Variants in CEP85L observed in about 807,000 individuals in gnomAD.
The protein encoded by CEP85L is centrosomal protein of 85 kDa-like.
A neutral mutation model predicts 100.3 loss-of-function variants in CEP85L; 60 were observed. The ratio of observed to expected loss-of-function variants is 0.60; its 90% CI spans 0.49 to 0.74. The LOEUF is 0.74. Among genes scored for constraint, CEP85L ranks in the 30% least tolerant of loss-of-function variants. CEP85L has a pLI of 0.00. For synonymous variants in CEP85L, 319 were observed against 322.7 expected (o/e 0.99, Z 0.12); for missense variants, 973 against 936.2 (o/e 1.04, Z -0.51).
In CEP85L at chr6:118,518,787, C is replaced by T. The variant is rs141917418; in HGVS notation, c.1139+5015G>A. ...TCTTCTGCTAGCTTTTGAATTTGTT[C>T]GCTCTTGCCTCTCTAGTTCTTTTAG... On this transcript the variant is annotated intron_variant, in intron 4 of 12. Coordinates refer to ENST00000368491, the MANE Select transcript of CEP85L (RefSeq NM_001042475.3). 2.0e-3 allele frequency among the ~76,000 whole-genome samples: 299 copies of T among 152,144 alleles called. 1 individual carries two copies. Among genetic ancestry groups the T allele is most frequent in the African/African-American group, 6.8e-3 (282 of 41,528 alleles).
intron 1 of CEP85L, among the ~76,000 whole-genome samples, chr6:118,645,592 A>T (rs1775126372): frequency 6.6e-6 from 1 of 152,212 alleles, no homozygotes. Flanking sequence ...GGACTGCTTG[A>T]TCCTGGCAGG....
intron 3 of CEP85L, among the ~76,000 whole-genome samples, chr6:118,546,786 T>C (rs1032023740): frequency 2.6e-5 from 4 of 152,140 alleles, no homozygotes; most frequent in African/African-American, 9.6e-5. Flanking sequence ...GAGATCCTCA[T>C]TATGTAAGGA....
At chr6:118,645,879 AT>A (rs904158284) in intron 1 of CEP85L, among the ~76,000 whole-genome samples, 53 of 150,188 alleles carry the variant, frequency 3.5e-4, no homozygotes, top group African/African-American at 9.0e-4. Flanking sequence ...CTAGGTAACC[AT>A]TTTTTTTTTA....
chr6:118,556,607 G>C (rs988770859), intron 3 of CEP85L, among the ~76,000 whole-genome samples: 4 of 152,146 alleles, frequency 2.6e-5, no homozygotes, highest in African/African-American at 7.2e-5. Flanking sequence ...TCTCAGGAAT[G>C]GGCTAACAGG....
chr6:118,654,477 A>C (rs543708459), upstream of CEP85L, among the ~76,000 whole-genome samples: 332 of 152,362 alleles, frequency 2.2e-3, 3 homozygotes, highest in Non-Finnish European at 3.5e-3. Context: ...TTTATGAATG[A>C]ATTCTAAAAG....
At chr6:118,584,180 G>A (rs1236301120) in intron 2 of CEP85L, among the ~76,000 whole-genome samples, 1 of 152,162 alleles carries the variant, frequency 6.6e-6, no homozygotes, top group Non-Finnish European at 1.5e-5. Flanking sequence ...TGCTTTTCAG[G>A]AAGGCACTGA....
rs78305295 is a variant in CEP85L at position 118,461,019 on chromosome 6, C to CTTTT, written c.*4382_*4385dup. The CTTTT allele has an allele frequency of 7.1e-6, 1 of 139,912 alleles. No individual in the cohort carries two copies. The highest frequency in any genetic ancestry group is 2.6e-5 in the African/African-American group (1 of 38,374). 8.7% of individuals were successfully genotyped at this position (139,912 alleles called of 1,614,324 possible). On this transcript the variant is annotated 3_prime_UTR_variant, in exon 13 of 13. Transcript: ENST00000368491. ...ATAAGCCAACCAGTGGCTTCACATT[C>CTTTT]TTTTTTTTTTTTTTTAAACAATAAC... is the stretch of plus-strand genomic sequence containing the variant.
intron 3 of CEP85L, among the ~76,000 whole-genome samples, chr6:118,555,978 A>G (rs1237323246): frequency 6.6e-6 from 1 of 152,184 alleles, no homozygotes; most frequent in African/African-American, 2.4e-5. Flanking sequence ...AAAAGACATG[A>G]TATCATTCTT....
intron 3 of CEP85L, among the ~76,000 whole-genome samples, chr6:118,534,166 C>T (rs1197217766): frequency 6.6e-6 from 1 of 152,028 alleles, no homozygotes; most frequent in African/African-American, 2.4e-5. Context: ...CCTACTAGAA[C>T]CAATAAGTGA....
chr6:118,608,114 A>G lies in CEP85L; in HGVS notation c.232+24339T>C, dbSNP rs964702098. 7.9e-5 allele frequency among the ~76,000 whole-genome samples: 12 copies of G among 152,314 alleles called. No homozygotes were observed. The South Asian group carries it at 1.7e-3, about 21-fold the overall frequency. On this transcript the variant is annotated intron_variant, in intron 2 of 12. Coordinates refer to ENST00000368491, the MANE Select transcript of CEP85L (RefSeq NM_001042475.3). ...CTATTTCCTGGTCAATTATATTACA[A>G]ATATTTGCTTCCAGTATGTGTCTTT...
chr6:118,678,130 A>G (rs1776538980), intron 1 of CEP85L, among the ~76,000 whole-genome samples: 1 of 152,238 alleles, frequency 6.6e-6, no homozygotes, highest in Admixed American at 6.5e-5. Context: ...CCAATGGATC[A>G]ACATCTGTAG....
chr6:118,469,362 C>CCATA, intron 11 of CEP85L, 59 bp from the exon 12 acceptor site: 1 of 1,338,840 alleles, frequency 7.5e-7, no homozygotes, highest in African/African-American at 1.4e-5. Flanking sequence ...GTACTCAAAG[C>CCATA]CATACAGGTT....
chr6:118,477,118 G>A (rs1773444017), intron 10 of CEP85L, among the ~76,000 whole-genome samples: 1 of 152,060 alleles, frequency 6.6e-6, no homozygotes, highest in African/African-American at 2.4e-5. Flanking sequence ...AAACCTATAG[G>A]AGAAGCAGCC....
At chr6:118,522,258 G>A (rs1031879473) in intron 4 of CEP85L, among the ~76,000 whole-genome samples, 7 of 152,202 alleles carry the variant, frequency 4.6e-5, no homozygotes, top group Non-Finnish European at 1.0e-4. Context: ...TACTTGGGAG[G>A]CTGAGGCAGG....
rs912278631 is a variant in CEP85L, at chr6:118,637,536, A to G, written c.74-4925T>C. Reference sequence around the variant, plus strand: ...AACATGGCAAAAGCCCATCTCTACAAAAGAAAAAAAAAAAAAAATTCAAAA... The same window carrying G: ...AACATGGCAAAAGCCCATCTCTACAGAAGAAAAAAAAAAAAAAATTCAAAA... On this transcript the variant is annotated intron_variant, in intron 1 of 12. Coordinates refer to ENST00000368491, the MANE Select transcript of CEP85L (RefSeq NM_001042475.3). 1.8e-4 allele frequency among the ~76,000 whole-genome samples: 15 copies of G among 84,690 alleles called. 1 individual carries two copies. Among genetic ancestry groups the G allele is most frequent in the Admixed American group, 1.4e-3 (15 of 10,938 alleles). 55.6% of individuals were successfully genotyped at this position (84,690 alleles called of 152,430 possible).
rs762839006 is a variant in CEP85L, at chr6:118,479,896, A to G, written c.1889T>C (p.Ile630Thr). 6.6e-6 allele frequency: 10 copies of G among 1,505,344 alleles called. No homozygotes were observed. In the East Asian group the frequency reaches 1.2e-4, roughly 18 times the overall value. 93.2% of individuals were successfully genotyped at this position (1,505,344 alleles called of 1,614,324 possible). The change falls in exon 10 of 13, where the codon ATT becomes ACT. Residue 630 changes from isoleucine to threonine, a missense_variant. Ile to Thr is a moderately conservative substitution (Grantham distance 89). This residue lies in a region of CEP85L where 890 missense variants were observed against 844.5 expected (regional missense o/e 1.05). Coordinates refer to ENST00000368491, the MANE Select transcript of CEP85L (RefSeq NM_001042475.3). ...CTGAATTTCTAAAATCATTCTGTCA[A>G]TCTCATCTTGTTGGCTGTCTATTAT... ...SKIIDSQQDE[I>T]DRMILEIQSM...
At chr6:118,496,730 G>A (rs970526861) in intron 5 of CEP85L, among the ~76,000 whole-genome samples, 1 of 152,158 alleles carries the variant, frequency 6.6e-6, no homozygotes, top group Non-Finnish European at 1.5e-5. Context: ...ATTTCTTTTA[G>A]AAAAACAGTC....
At chr6:118,506,018 C>T (rs1488666151) in intron 5 of CEP85L, among the ~76,000 whole-genome samples, 2 of 152,062 alleles carry the variant, frequency 1.3e-5, no homozygotes, top group Non-Finnish European at 2.9e-5. Flanking sequence ...TGGTACTTCC[C>T]ATTCAATTTT....
At chr6:118,579,849 CT>C (rs1477016918) in intron 2 of CEP85L, among the ~76,000 whole-genome samples, 3 of 152,174 alleles carry the variant, frequency 2.0e-5, no homozygotes, top group Non-Finnish European at 4.4e-5. Flanking sequence ...GGCCAGCAAG[CT>C]TTGATATGCA....
Sources: gnomAD v4.1 joint callset for allele counts (sites outside exome capture counted in the v4.1 genomes callset) on GRCh38, gnomAD v4.1.1 for gene constraint, gnomAD v4.1.1 regional missense constraint, MANE v1.5 for transcripts, NCBI Gene and HGNC (gene_info 2026-07-23, HGNC 2026-07-21) for gene names.